Variants in COL12A1 observed in about 807,000 individuals in gnomAD.
COL12A1 encodes the protein collagen type XII alpha 1 chain, also known as collagen alpha-1(XII) chain.
COL12A1 carries 114 observed loss-of-function variants against 349.7 expected under a neutral mutation model. That is an observed-to-expected ratio of 0.33 (90% CI 0.28 to 0.38). COL12A1 has a LOEUF of 0.38. COL12A1 is among the 10% of genes least tolerant of loss of function. The pLI is 1.00. For missense variants in COL12A1, 3,284 were observed against 3,756.9 expected (o/e 0.87, Z 3.29); for synonymous variants, 1,369 against 1,329.0 (o/e 1.03, Z -0.66).
In COL12A1 at chr6:75,145,337, C is replaced by A; in HGVS notation, c.4679G>T (p.Arg1560Leu). The stretch of plus-strand genomic sequence containing the variant: ...AAGCAGTAGCTTACAGGTGACTTCC[C>A]GAACAGTGACAGGTTCACTAGTGAG... ...HDLTSEPVTV[R>L]EVTLPLPRPQ... The change falls in exon 25 of 66, where the codon CGG (arginine) becomes CTG (leucine). Residue 1560 changes from arginine to leucine, a missense_variant. Around this residue, in one of 2 missense-constraint regions of COL12A1, gnomAD observed 2,601 missense variants for 2,824.8 expected, o/e 0.92. Coordinates refer to ENST00000322507, the MANE Select transcript of COL12A1 (RefSeq NM_004370.6). The A allele has an allele frequency of 6.2e-7, 1 of 1,608,492 alleles. No homozygotes were observed. The highest frequency in any genetic ancestry group is 8.5e-7 in the Non-Finnish European group (1 of 1,176,074).
intron 56 of COL12A1, 60 bp from the exon 57 acceptor site, chr6:75,102,112 A>G: frequency 6.7e-7 from 1 of 1,495,292 alleles, no homozygotes; most frequent in Non-Finnish European, 9.3e-7. Flanking sequence ...GCAAAAAAGG[A>G]AGACATGAGT....
At chr6:75,203,068 G>T (rs1323707148) in intron 1 of COL12A1, among the ~76,000 whole-genome samples, 1 of 152,186 alleles carries the variant, frequency 6.6e-6, no homozygotes, top group Admixed American at 6.5e-5. Context: ...CTGGAGACTG[G>T]TCCTGCTTAG....
intron 24 of COL12A1, 69 bp downstream of exon 24, chr6:75,146,033 G>A (rs564842683): frequency 2.1e-6 from 3 of 1,428,054 alleles, no homozygotes; most frequent in Non-Finnish European, 2.8e-6. Context: ...AGTAACTGCA[G>A]TATAATAGGC....
chr6:75,140,500 C>T (rs1426670411), intron 27 of COL12A1, among the ~76,000 whole-genome samples: 3 of 151,760 alleles, frequency 2.0e-5, no homozygotes, highest in Non-Finnish European at 4.4e-5. Context: ...ACTAAAAACA[C>T]AAAAAATTAG....
At chr6:75,092,324 C>T (rs560429715) in intron 60 of COL12A1, among the ~76,000 whole-genome samples, 1 of 151,958 alleles carries the variant, frequency 6.6e-6, no homozygotes, top group South Asian at 2.1e-4. Context: ...TGCACATGTA[C>T]CCCAGAACTT....
intron 14 of COL12A1, among the ~76,000 whole-genome samples, chr6:75,162,258 A>T (rs1768062091): frequency 6.6e-6 from 1 of 152,204 alleles, no homozygotes; most frequent in African/African-American, 2.4e-5. Flanking sequence ...CTATACTAGA[A>T]GGCTACAGTA....
chr6:75,142,752 T>C (rs910838885), intron 26 of COL12A1, among the ~76,000 whole-genome samples: 1 of 152,126 alleles, frequency 6.6e-6, no homozygotes, highest in African/African-American at 2.4e-5. Context: ...TTGCTCTAAC[T>C]TTGAATCCGG....
At chr6:75,130,260 T>C (rs889240206) in intron 36 of COL12A1, 27 bp from the exon 37 acceptor site, 1 of 1,607,752 alleles carries the variant, frequency 6.2e-7, no homozygotes. Flanking sequence ...CAATAGAGTT[T>C]GTTGCCTGCC....
At chr6:75,122,667 C>T (rs756603516) in intron 43 of COL12A1, among the ~76,000 whole-genome samples, 5 of 152,104 alleles carry the variant, frequency 3.3e-5, no homozygotes, top group South Asian at 2.1e-4. Context: ...GAAGTTGTAA[C>T]GTTCGACATC....
chr6:75,202,914 A>G lies in COL12A1; in HGVS notation c.-35-87T>C, dbSNP rs1049109950. The G allele has an allele frequency of 3.2e-5, 26 of 800,390 alleles. No homozygotes were observed. The Admixed American group carries it at 6.3e-4, about 19-fold the overall frequency. 49.6% of individuals were successfully genotyped at this position (800,390 alleles called of 1,614,324 possible). A position where few individuals can be genotyped will look rare whatever the true frequency, so the allele number is the denominator to read the frequency against. ...AACTGGAGCCTGGACCTAGTCCAGA[A>G]CCCGACCAGATCTGCCTTAAAAACC... is the stretch of plus-strand genomic sequence containing the variant. On this transcript the variant is annotated intron_variant, in intron 1 of 65. Transcript: ENST00000322507.
At chr6:75,185,602 G>A (rs1006431929) in intron 8 of COL12A1, among the ~76,000 whole-genome samples, 3 of 152,136 alleles carry the variant, frequency 2.0e-5, no homozygotes, top group Admixed American at 2.0e-4. Context: ...ATTCTTCACA[G>A]AACTAGAAAC....
chr6:75,106,770 T>G (rs1361978289), intron 52 of COL12A1, among the ~76,000 whole-genome samples: 1 of 152,010 alleles, frequency 6.6e-6, no homozygotes, highest in African/African-American at 2.4e-5. Flanking sequence ...GAGAAAGAGA[T>G]AGAAAAGTGA....
intron 29 of COL12A1, 21 bp from the exon 30 acceptor site, chr6:75,138,361 G>A (rs748821070): frequency 6.2e-7 from 1 of 1,610,064 alleles, no homozygotes; most frequent in South Asian, 1.1e-5. Flanking sequence ...ACAGAATTTG[G>A]GAACACATTA....
intron 13 of COL12A1, among the ~76,000 whole-genome samples, chr6:75,167,908 A>G (rs1292611105): frequency 1.3e-5 from 2 of 152,212 alleles, no homozygotes; most frequent in African/African-American, 4.8e-5. Context: ...GCAAATTAAA[A>G]ATCAACTAAA....
chr6:75,158,823 A>C (rs556043742), intron 14 of COL12A1, among the ~76,000 whole-genome samples: 34 of 152,240 alleles, frequency 2.2e-4, no homozygotes, highest in African/African-American at 7.9e-4. Context: ...ATAGAACATG[A>C]AACACAAGGA....
intron 23 of COL12A1, 168 bp from the exon 24 acceptor site, chr6:75,146,412 T>G (rs927633041): frequency 3.1e-6 from 2 of 635,958 alleles, no homozygotes; most frequent in East Asian, 3.3e-5. Context: ...AAAATCCAAT[T>G]TACATTGCTC....
At chr6:75,205,201 G>C (rs942439058) in intron 1 of COL12A1, among the ~76,000 whole-genome samples, 19 of 149,804 alleles carry the variant, frequency 1.3e-4, no homozygotes, top group Non-Finnish European at 7.4e-5. Context: ...GAGTACCCTA[G>C]TGCTGCCTAA....
At chr6:75,113,548 AG>A in intron 50 of COL12A1, 53 bp downstream of exon 50, 1 of 1,518,956 alleles carries the variant, frequency 6.6e-7, no homozygotes, top group South Asian at 1.4e-5. Flanking sequence ...AAAAGAGAAA[AG>A]AAAAACATAA....
intron 10 of COL12A1, 144 bp downstream of exon 10, chr6:75,182,906 A>G: frequency 9.7e-7 from 1 of 1,031,606 alleles, no homozygotes; most frequent in Non-Finnish European, 1.4e-6. Context: ...AGCTAAGAAA[A>G]CTAAGTTCAA....
Sources: allele counts gnomAD v4.1 joint callset (sites outside exome capture counted in the v4.1 genomes callset), GRCh38; gene constraint gnomAD v4.1.1; regional missense constraint gnomAD v4.1.1; transcripts MANE v1.5; gene names NCBI Gene and HGNC (gene_info 2026-07-23, HGNC 2026-07-21).